Variants in MACF1 observed in about 807,000 individuals in gnomAD.
MACF1 encodes the protein microtubule-actin cross-linking factor 1.
In MACF1, 193 loss-of-function variants were observed where a neutral mutation model predicts 854.8. That is an observed-to-expected ratio of 0.23 (90% CI 0.20 to 0.25). The LOEUF (loss-of-function observed/expected upper bound fraction) is 0.25. MACF1 is among the 10% of genes least tolerant of loss of function. The pLI is 1.00. For missense variants in MACF1, 7,722 were observed against 8,929.1 expected (o/e 0.86, Z 5.45); for synonymous variants, 3,185 against 3,226.7 (o/e 0.99, Z 0.44).
chr1:39,457,143 A>G (rs567206698), intron 89 of MACF1: 1 of 152,368 alleles, frequency 6.6e-6, no homozygotes, highest in African/African-American at 2.4e-5. Flanking sequence ...CTTCAGCACT[A>G]TCATCTCCTA....
intron 2 of MACF1, among the ~76,000 whole-genome samples, chr1:39,143,669 A>G (rs189093098): frequency 6.8e-4 from 103 of 152,306 alleles, no homozygotes; most frequent in Admixed American, 2.4e-3. Flanking sequence ...CCACTGGGGG[A>G]AAGATCCAAG....
intron 23 of MACF1, 94 bp downstream of exon 23, chr1:39,303,172 A>G: frequency 7.0e-7 from 1 of 1,422,660 alleles, no homozygotes; most frequent in Non-Finnish European, 9.5e-7. Context: ...ATGTTTTTGA[A>G]CACAGTGGTA....
At chr1:39,346,890 C>T in intron 40 of MACF1, 87 bp from the exon 41 acceptor site, 1 of 853,374 alleles carries the variant, frequency 1.2e-6, no homozygotes, top group East Asian at 2.5e-5. Flanking sequence ...AAATTAGCCT[C>T]TCTGATTCTG....
rs1028454774 is a variant in MACF1, at chr1:39,285,672, G to A, written c.1422G>A (p.Glu474=). 2 of 1,614,056 alleles carry A rather than the reference G, an allele frequency of 1.2e-6. No individual in the cohort carries two copies. The highest frequency in any genetic ancestry group is 1.7e-6 in the Non-Finnish European group (2 of 1,179,976). ...CAGATGTCATTATGTACATTCAGGA[G>A]TGTGAAGGTCTCATCAGGCAGCTGC... ...CESDVIMYIQ[E]CEGLIRQLQV... The change falls in exon 14 of 101, where the codon GAG becomes GAA. Residue 474 remains glutamate, a synonymous_variant. Coordinates refer to ENST00000564288, the MANE Select transcript of MACF1 (RefSeq NM_001394062.1).
intron 23 of MACF1, 121 bp from the exon 24 acceptor site, chr1:39,309,449 C>A: frequency 1.7e-6 from 2 of 1,164,980 alleles, no homozygotes; most frequent in Non-Finnish European, 2.4e-6. Flanking sequence ...TGACTTGTTG[C>A]CTTTCTCTGC....
intron 23 of MACF1, among the ~76,000 whole-genome samples, chr1:39,306,805 A>G (rs1236457418): frequency 2.0e-5 from 3 of 151,384 alleles, no homozygotes; most frequent in South Asian, 2.1e-4. Flanking sequence ...GAAACCTCTT[A>G]TATCTGAAAA....
chr1:39,134,045 T>TC (rs1643092707), intron 2 of MACF1, among the ~76,000 whole-genome samples: 1 of 137,798 alleles, frequency 7.3e-6, no homozygotes, highest in Non-Finnish European at 1.6e-5. Flanking sequence ...TTTTTTTTTT[T>TC]TTTTTTTTTT....
intron 2 of MACF1, among the ~76,000 whole-genome samples, chr1:39,114,841 A>C (rs1397397220): frequency 6.6e-6 from 1 of 152,104 alleles, no homozygotes; most frequent in Non-Finnish European, 1.5e-5. Context: ...CAGAGTGAGA[A>C]AGTGTCCAGG....
intron 2 of MACF1, among the ~76,000 whole-genome samples, chr1:39,179,296 G>A (rs1470506153): frequency 1.3e-5 from 2 of 152,172 alleles, no homozygotes; most frequent in African/African-American, 4.8e-5. Flanking sequence ...GAGTTGGGGT[G>A]GGACTTAGCT....
rs1352987048 is a variant in MACF1 at position 39,485,787 on chromosome 1, A to C, written c.22661A>C (p.Lys7554Thr). 1 of 1,599,006 alleles carries C rather than the reference A, an allele frequency of 6.3e-7. No homozygotes were observed. Among genetic ancestry groups the C allele is most frequent in the African/African-American group, 1.3e-5 (1 of 74,742 alleles). ...GCCTCCCCCAGGACTCCAGGTCCCAAGCGATAACACTGTCTAAGCACCCCC... is the reference window on the plus strand; with the variant it reads ...GCCTCCCCCAGGACTCCAGGTCCCACGCGATAACACTGTCTAAGCACCCCC... ...TTASPRTPGP[K>T]R Residue 7554 changes from lysine (K) to threonine (T), a missense_variant, in exon 101 of 101, where the codon AAG (lysine) becomes ACG (threonine). Around this residue, in one of 15 missense-constraint regions of MACF1, gnomAD observed 185 missense variants for 225.7 expected, o/e 0.82. Coordinates refer to ENST00000564288, the MANE Select transcript of MACF1 (RefSeq NM_001394062.1).
At chr1:39,413,946 G>T in intron 58 of MACF1, 2 of 1,603,982 alleles carry the variant, frequency 1.2e-6, no homozygotes, top group Non-Finnish European at 1.7e-6. Flanking sequence ...CCTCTGAGGA[G>T]CCTGCCTCCC....
chr1:39,209,486 C>T (rs74066706), intron 1 of MACF1, among the ~76,000 whole-genome samples: 4,706 of 152,120 alleles, frequency 0.031, 237 homozygotes, highest in African/African-American at 0.11. Flanking sequence ...GTCTTGTTTT[C>T]CTTACCTGTA....
At chr1:39,446,737 A>G (rs560733536) in intron 80 of MACF1, among the ~76,000 whole-genome samples, 19 of 143,934 alleles carry the variant, frequency 1.3e-4, no homozygotes, top group East Asian at 1.3e-3. Flanking sequence ...GTCTCTGAGG[A>G]TGGAGCTTAT....
chr1:39,228,356 T>G (rs1644740744), intron 1 of MACF1, among the ~76,000 whole-genome samples: 1 of 152,084 alleles, frequency 6.6e-6, no homozygotes, highest in Non-Finnish European at 1.5e-5. Context: ...TTTTAAAGAA[T>G]AAATACCATT....
At chr1:39,411,088 C>A (rs1642976441) in intron 58 of MACF1, 1 of 1,613,378 alleles carries the variant, frequency 6.2e-7, no homozygotes, top group Non-Finnish European at 8.5e-7. Context: ...CAGTGAGAAG[C>A]AGCACCCCCT....
chr1:39,169,052 T>C (rs1643911339), intron 2 of MACF1, among the ~76,000 whole-genome samples: 1 of 152,238 alleles, frequency 6.6e-6, no homozygotes, highest in Non-Finnish European at 1.5e-5. Flanking sequence ...CTGTTAACTC[T>C]TTTCTCTTCA....
chr1:39,109,991 A>G (rs1423511492), intron 2 of MACF1, among the ~76,000 whole-genome samples: 2 of 152,210 alleles, frequency 1.3e-5, no homozygotes, highest in Admixed American at 6.5e-5. Flanking sequence ...GTTTTACGAT[A>G]TATAAATCAC....
chr1:39,169,449 T>G (rs1432987434), intron 2 of MACF1, among the ~76,000 whole-genome samples: 1 of 151,918 alleles, frequency 6.6e-6, no homozygotes, highest in African/African-American at 2.4e-5. Flanking sequence ...AAAACATTTT[T>G]TTTTAAGTAG....
intron 2 of MACF1, among the ~76,000 whole-genome samples, chr1:39,126,631 A>C (rs1642866849): frequency 6.6e-6 from 1 of 151,928 alleles, no homozygotes; most frequent in African/African-American, 2.4e-5. Context: ...CTAAAAATAC[A>C]AAAAAATTAG....
Sources: gnomAD v4.1 joint callset for allele counts (sites outside exome capture counted in the v4.1 genomes callset) on GRCh38, gnomAD v4.1.1 for gene constraint, gnomAD v4.1.1 regional missense constraint, MANE v1.5 for transcripts, NCBI Gene and HGNC (gene_info 2026-07-23, HGNC 2026-07-21) for gene names.